TMEM132D: variants seen among roughly 807,000 people sequenced by gnomAD.
TMEM132D encodes the protein mature OL transmembrane protein.
TMEM132D carries 21 observed loss-of-function variants against 62.3 expected under a neutral mutation model. The observed-to-expected ratio is 0.34, with a 90% CI of 0.24 to 0.49. TMEM132D has a LOEUF of 0.49. Ranked by LOEUF, TMEM132D falls within the 20% of genes least tolerant of loss-of-function variation. The pLI is 0.99. For synonymous variants in TMEM132D, 621 were observed against 575.6 expected, an observed-to-expected ratio of 1.08 and a Z score of -1.13; for missense variants, 1,346 against 1,402.8, an observed-to-expected ratio of 0.96 and a Z score of 0.65.
intron 4 of TMEM132D, among the ~76,000 whole-genome samples, chr12:129,284,833 G>A (rs763100846): frequency 3.9e-5 from 6 of 152,214 alleles, no homozygotes; most frequent in Non-Finnish European, 8.8e-5. Context: ...GTTGCATATT[G>A]TGTGATTCAA....
At chr12:129,665,642 A>G (rs1880359035) in intron 2 of TMEM132D, among the ~76,000 whole-genome samples, 1 of 152,148 alleles carries the variant, frequency 6.6e-6, no homozygotes, top group Admixed American at 6.5e-5. Context: ...AAGGGTTTCT[A>G]GACTTTGCAA....
intron 3 of TMEM132D, among the ~76,000 whole-genome samples, chr12:129,485,976 G>A (rs942095559): frequency 6.6e-6 from 1 of 152,170 alleles, no homozygotes; most frequent in Non-Finnish European, 1.5e-5. Context: ...TCTCCACTTC[G>A]GTGCACCCAG....
At chr12:129,683,958 C>T (rs1565948089) in intron 2 of TMEM132D, among the ~76,000 whole-genome samples, 1 of 152,246 alleles carries the variant, frequency 6.6e-6, no homozygotes, top group East Asian at 1.9e-4. Context: ...ACCTATAGTA[C>T]AGGGTGAAGC....
At chr12:129,640,206 A>C (rs1879607233) in intron 2 of TMEM132D, among the ~76,000 whole-genome samples, 1 of 152,104 alleles carries the variant, frequency 6.6e-6, no homozygotes, top group Non-Finnish European at 1.5e-5. Flanking sequence ...AAAGAGCCAG[A>C]TGGTAAATAT....
chr12:129,612,337 G>A (rs184395755), intron 2 of TMEM132D, among the ~76,000 whole-genome samples: 24 of 152,324 alleles, frequency 1.6e-4, no homozygotes, highest in African/African-American at 5.8e-4. Flanking sequence ...CACAGTGGGT[G>A]TAGAGGAAGA....
In TMEM132D at chr12:129,621,529, GATGCAC is replaced by G. The variant is rs1404626688; in HGVS notation, c.968+78275_968+78280del. 2.0e-5 allele frequency among the ~76,000 whole-genome samples: 3 copies of G among 151,806 alleles called. No homozygotes were observed. In the East Asian group the frequency reaches 5.8e-4, roughly 29 times the overall value. On this transcript the variant is annotated intron_variant, in intron 2 of 8. Transcript: ENST00000422113. The stretch of plus-strand genomic sequence containing the variant: ...GCCAAAATGCTGTGCTTGCACCACC[GATGCAC>G]CCAGTGAATGTTTGATATTAACATT...
At chr12:129,538,009 C>T (rs889452231) in intron 2 of TMEM132D, among the ~76,000 whole-genome samples, 1 of 152,194 alleles carries the variant, frequency 6.6e-6, no homozygotes, top group Non-Finnish European at 1.5e-5. Flanking sequence ...CAAATCTTGA[C>T]TTTTATGTGA....
intron 3 of TMEM132D, among the ~76,000 whole-genome samples, chr12:129,518,375 G>T (rs1294333815): frequency 6.6e-6 from 1 of 152,090 alleles, no homozygotes; most frequent in Non-Finnish European, 1.5e-5. Context: ...ACAGTACAGT[G>T]CCTAGCACAT....
intron 2 of TMEM132D, among the ~76,000 whole-genome samples, chr12:129,639,275 C>A (rs566847943): frequency 6.8e-6 from 1 of 147,748 alleles, no homozygotes; most frequent in Non-Finnish European, 1.5e-5. Context: ...CCCAGCTACT[C>A]GGGAGGCTGA....
intron 2 of TMEM132D, among the ~76,000 whole-genome samples, chr12:129,537,599 A>G (rs10847899): frequency 0.25 from 35,840 of 145,082 alleles, 4,438 homozygotes; most frequent in East Asian, 0.4. Flanking sequence ...GGGTAAAGTT[A>G]AATTTAGAAG....
At chr12:129,865,513 C>T (rs574479585) in intron 1 of TMEM132D, among the ~76,000 whole-genome samples, 3 of 152,182 alleles carry the variant, frequency 2.0e-5, no homozygotes, top group Non-Finnish European at 4.4e-5. Context: ...CTCAACAGTT[C>T]TACGAACACT....
At chr12:129,622,123 G>C (rs1170839151) in intron 2 of TMEM132D, among the ~76,000 whole-genome samples, 1 of 152,108 alleles carries the variant, frequency 6.6e-6, no homozygotes, top group African/African-American at 2.4e-5. Context: ...ATAAAATCCA[G>C]GGAAAGTGGA....
intron 1 of TMEM132D, among the ~76,000 whole-genome samples, chr12:129,734,362 C>G (rs1869351309): frequency 6.6e-6 from 1 of 152,208 alleles, no homozygotes; most frequent in African/African-American, 2.4e-5. Context: ...AAATCCTACT[C>G]TACTTTTAAG....
chr12:129,332,221 C>T (rs931175213), intron 4 of TMEM132D, among the ~76,000 whole-genome samples: 1 of 152,058 alleles, frequency 6.6e-6, no homozygotes, highest in Non-Finnish European at 1.5e-5. Context: ...TTACTTACAA[C>T]ATAGTAAGGC....
chr12:129,389,873 G>C (rs974163452), intron 3 of TMEM132D, among the ~76,000 whole-genome samples: 3 of 152,226 alleles, frequency 2.0e-5, no homozygotes, highest in African/African-American at 7.2e-5. Flanking sequence ...AGCTGACCAG[G>C]AGAGGAGTAA....
chr12:129,183,266 G>A (rs1167741057), intron 5 of TMEM132D, among the ~76,000 whole-genome samples: 2 of 152,228 alleles, frequency 1.3e-5, no homozygotes, highest in Non-Finnish European at 2.9e-5. Flanking sequence ...ACACGTGGCT[G>A]AGCCAAAGAG....
At chr12:129,373,817 T>C (rs1224484782) in intron 3 of TMEM132D, among the ~76,000 whole-genome samples, 4 of 152,122 alleles carry the variant, frequency 2.6e-5, no homozygotes, top group African/African-American at 9.7e-5. Context: ...AGATATAAAA[T>C]AAAGCCAAAC....
At chr12:129,723,224 C>T (rs760675419) in intron 1 of TMEM132D, among the ~76,000 whole-genome samples, 14 of 152,190 alleles carry the variant, frequency 9.2e-5, no homozygotes, top group Non-Finnish European at 1.8e-4. Context: ...AATGCTTCCC[C>T]GACATTTGCT....
intron 3 of TMEM132D, among the ~76,000 whole-genome samples, chr12:129,467,191 G>C (rs1873937874): frequency 6.6e-6 from 1 of 152,186 alleles, no homozygotes; most frequent in African/African-American, 2.4e-5. Context: ...TTAGACCAAA[G>C]AATAGTAATT....
Sources: allele counts gnomAD v4.1 joint callset (sites outside exome capture counted in the v4.1 genomes callset), GRCh38; gene constraint gnomAD v4.1.1; transcripts MANE v1.5; gene names NCBI Gene and HGNC (gene_info 2026-07-23, HGNC 2026-07-21).